CDK13: variants seen among roughly 807,000 people sequenced by gnomAD.
CDK13 encodes cyclin dependent kinase 13.
CDK13 carries 40 observed loss-of-function variants against 137.6 expected under a neutral mutation model. That is an observed-to-expected ratio of 0.29 (90% CI 0.23 to 0.38). CDK13 has a LOEUF of 0.38. Among genes scored for constraint, CDK13 ranks in the 10% least tolerant of loss-of-function variants. CDK13 has a pLI of 1.00. For missense variants in CDK13, 1,704 were observed against 1,951.8 expected (o/e 0.87, Z 2.39); for synonymous variants, 869 against 760.1 (o/e 1.14, Z -2.36).
In CDK13 at chr7:39,988,150, C is replaced by A. The variant is rs754814006; in HGVS notation, c.1763C>A (p.Thr588Lys). Residue 588 changes from threonine to lysine, a missense_variant, in exon 2 of 14, where the codon ACA (threonine) becomes AAA (lysine). Physicochemically the swap from Thr to Lys is moderately conservative, Grantham distance 78. Transcript: ENST00000181839. ...VSLKEKTKPL[T>K]PSIGAKEKEQ... ...CTTAAAGAGAAAACCAAACCACTTACACCAAGCATAGGAGCCAAGGAGAAG... is the reference window on the plus strand; with the variant it reads ...CTTAAAGAGAAAACCAAACCACTTAAACCAAGCATAGGAGCCAAGGAGAAG... The A allele has an allele frequency of 1.2e-6, 2 of 1,614,068 alleles. No homozygotes were observed. The highest frequency in any genetic ancestry group is 1.7e-6 in the Non-Finnish European group (2 of 1,179,998).
intron 5 of CDK13, among the ~76,000 whole-genome samples, chr7:40,041,036 C>T (rs186492288): frequency 2.2e-4 from 34 of 152,220 alleles, no homozygotes; most frequent in Admixed American, 2.0e-3. Flanking sequence ...AAATTAATAA[C>T]GTATTTAACC....
At chr7:39,993,564 AGTT>A (rs1283923811) in intron 2 of CDK13, among the ~76,000 whole-genome samples, 4 of 152,094 alleles carry the variant, frequency 2.6e-5, no homozygotes, top group African/African-American at 7.2e-5. Context: ...CACAGAATGT[AGTT>A]GTTTTATTAT....
intron 9 of CDK13, chr7:40,072,088 A>G (rs1786434293): frequency 1.3e-5 from 2 of 152,330 alleles, no homozygotes; most frequent in Middle Eastern, 3.4e-3. Context: ...ACATACTCAA[A>G]TATCAGAATT....
intron 7 of CDK13, among the ~76,000 whole-genome samples, chr7:40,057,649 AAAG>A (rs1313079106): frequency 2.0e-5 from 3 of 152,222 alleles, no homozygotes; most frequent in Admixed American, 6.5e-5. Context: ...CTGAGACAGT[AAAG>A]AAGAACAGAG....
chr7:40,017,459 A>G (rs1434738607), intron 5 of CDK13, among the ~76,000 whole-genome samples: 1 of 152,122 alleles, frequency 6.6e-6, no homozygotes, highest in Non-Finnish European at 1.5e-5. Context: ...AGCACAGTAT[A>G]TTATTGATTT....
Position 39,951,733 on chromosome 7 carries a change from C to T in CDK13, c.1092C>T (p.Arg364=). ...CGCGCTCCCCGAGCCCCTACAGTCG[C>T]CGCCGCTCCCCCAGCTACAGCCGCC... is the stretch of plus-strand genomic sequence containing the variant. The part of the protein sequence containing the change: ...RLPRSPSPYS[R]RRSPSYSRHS... Residue 364 remains arginine (R), a synonymous_variant, in exon 1 of 14, where the codon CGC becomes CGT. Coordinates refer to ENST00000181839, the MANE Select transcript of CDK13 (RefSeq NM_003718.5). 1 of 1,489,176 alleles carries T rather than the reference C, an allele frequency of 6.7e-7. No individual in the cohort carries two copies. The highest frequency in any genetic ancestry group is 8.8e-7 in the Non-Finnish European group (1 of 1,130,458). The allele number at this position is 1,489,176 out of a possible 1,614,324, so 92.2% of individuals were successfully genotyped here. A position where few individuals can be genotyped will look rare whatever the true frequency, so the allele number is the denominator to read the frequency against.
intron 11 of CDK13, among the ~76,000 whole-genome samples, chr7:40,087,768 C>CA (rs1786824815): frequency 6.6e-6 from 1 of 152,232 alleles, no homozygotes; most frequent in South Asian, 2.1e-4. Context: ...AGGCTGATCT[C>CA]AAACTCCTGA....
chr7:39,970,328 A>G (rs935381108), intron 1 of CDK13, among the ~76,000 whole-genome samples: 1 of 151,784 alleles, frequency 6.6e-6, no homozygotes, highest in Non-Finnish European at 1.5e-5. Flanking sequence ...GTCCAAAAAA[A>G]TTTTTGCCTA....
chr7:39,964,755 G>A (rs553552076), intron 1 of CDK13, among the ~76,000 whole-genome samples: 1 of 151,932 alleles, frequency 6.6e-6, no homozygotes, highest in East Asian at 1.9e-4. Flanking sequence ...TCTCTTGTGG[G>A]CTTTAGTGCT....
At chr7:39,998,240 A>C (rs1164687926) in intron 3 of CDK13, 10 of 133,842 alleles carry the variant, frequency 7.5e-5, no homozygotes, top group Non-Finnish European at 1.5e-4. Flanking sequence ...ACCAAGGGAC[A>C]GTGAAGACTT....
intron 7 of CDK13, among the ~76,000 whole-genome samples, chr7:40,058,982 G>A (rs1164087185): frequency 6.6e-6 from 1 of 152,138 alleles, no homozygotes; most frequent in Non-Finnish European, 1.5e-5. Flanking sequence ...GAAGAAAGAA[G>A]TACAGACTTT....
chr7:39,979,220 T>C (rs1351157994), intron 1 of CDK13, among the ~76,000 whole-genome samples: 11 of 147,524 alleles, frequency 7.5e-5, no homozygotes, highest in Middle Eastern at 3.3e-3. Flanking sequence ...TTTTTTCTTT[T>C]TTTTTTTTTT....
chr7:39,974,609 G>A (rs1300373121), intron 1 of CDK13, among the ~76,000 whole-genome samples: 2 of 150,980 alleles, frequency 1.3e-5, no homozygotes, highest in Non-Finnish European at 2.9e-5. Flanking sequence ...GTGTCACCCA[G>A]GCTGGAGTGC....
At chr7:39,951,994 G>A (rs1787237216) in intron 1 of CDK13, 142 bp downstream of exon 1, 1 of 930,020 alleles carries the variant, frequency 1.1e-6, no homozygotes, top group Admixed American at 4.2e-5. Context: ...TCCCAGGAAG[G>A]ATAGGCGTTT....
intron 5 of CDK13, among the ~76,000 whole-genome samples, chr7:40,036,559 A>T (rs1327511838): frequency 6.6e-6 from 1 of 152,320 alleles, no homozygotes; most frequent in Non-Finnish European, 1.5e-5. Context: ...TGACAGCGCG[A>T]GACTCCGTCT....
chr7:39,964,535 C>T (rs1360471689), intron 1 of CDK13, among the ~76,000 whole-genome samples: 3 of 150,816 alleles, frequency 2.0e-5, no homozygotes, highest in East Asian at 1.9e-4. Flanking sequence ...GTCTTGCTAG[C>T]GGTCTGTCAA....
At chr7:40,009,344 C>T (rs912471252) in intron 5 of CDK13, among the ~76,000 whole-genome samples, 2 of 152,182 alleles carry the variant, frequency 1.3e-5, no homozygotes, top group African/African-American at 2.4e-5. Context: ...ATAGTTCCTT[C>T]TATTGAAGTT....
chr7:40,037,803 A>G (rs1274879709), intron 5 of CDK13, among the ~76,000 whole-genome samples: 1 of 152,196 alleles, frequency 6.6e-6, no homozygotes, highest in Non-Finnish European at 1.5e-5. Context: ...TTTCAAAGTA[A>G]CAATGCTGAT....
chr7:39,963,396 G>A (rs1276080316), intron 1 of CDK13, among the ~76,000 whole-genome samples: 1 of 151,998 alleles, frequency 6.6e-6, no homozygotes, highest in African/African-American at 2.4e-5. Context: ...ATTGTGAATG[G>A]GAGTTCACTC....
Sources: allele counts gnomAD v4.1 joint callset (sites outside exome capture counted in the v4.1 genomes callset), GRCh38; gene constraint gnomAD v4.1.1; transcripts MANE v1.5; gene names NCBI Gene and HGNC (gene_info 2026-07-23, HGNC 2026-07-21).